TTC17: variants seen among roughly 807,000 people sequenced by gnomAD.
TTC17 encodes tetratricopeptide repeat domain 17.
In TTC17, 58 loss-of-function variants were observed where a neutral mutation model predicts 143.8. The ratio of observed to expected loss-of-function variants is 0.40; its 90% CI spans 0.33 to 0.50. TTC17 has a LOEUF of 0.50. Among genes scored for constraint, TTC17 ranks in the 20% least tolerant of loss-of-function variants. The pLI is 0.49. For missense variants in TTC17, 1,273 were observed against 1,392.5 expected, an observed-to-expected ratio of 0.91 and a Z score of 1.37; for synonymous variants, 501 against 497.8, an observed-to-expected ratio of 1.01 and a Z score of -0.09.
chr11:43,437,560 C>G (rs186618404), intron 16 of TTC17, among the ~76,000 whole-genome samples: 1 of 152,146 alleles, frequency 6.6e-6, no homozygotes, highest in African/African-American at 2.4e-5. Flanking sequence ...ACTTAATCTT[C>G]CTGAGCCTTT....
At chr11:43,436,202 A>G in intron 16 of TTC17, 1 of 1,457,212 alleles carries the variant, frequency 6.9e-7, no homozygotes. Context: ...CAGCCATGAC[A>G]AACAGAAATA....
intron 2 of TTC17, among the ~76,000 whole-genome samples, chr11:43,382,749 G>A (rs1361807821): frequency 6.6e-6 from 1 of 152,120 alleles, no homozygotes; most frequent in African/African-American, 2.4e-5. Flanking sequence ...TATTACTCTA[G>A]ATCCTGCTGT....
At chr11:43,460,399 T>A (rs11602173) in intron 21 of TTC17, among the ~76,000 whole-genome samples, 1 of 152,138 alleles carries the variant, frequency 6.6e-6, no homozygotes, top group Non-Finnish European at 1.5e-5. Context: ...GTAGATTACA[T>A]GGCTTCTGTC....
At position 43,451,412 on chromosome 11, in the gene TTC17, A is replaced by G. The variant is rs1393754584; in HGVS notation, c.3030+147A>G. On this transcript the variant is annotated intron_variant, in intron 21 of 23. Transcript: ENST00000039989. ...GATAATGTGAAATAACTCCCCTCAG[A>G]ATGTTTCAGTCGCTTTTTCTATCAC... 3 of 668,874 alleles carry G rather than the reference A, an allele frequency of 4.5e-6. No homozygotes were observed. In the Admixed American group the frequency reaches 7.8e-5, roughly 17 times the overall value. The allele number at this position is 668,874 out of a possible 1,614,324, so 41.4% of individuals were successfully genotyped here. A position where few individuals can be genotyped will look rare whatever the true frequency, so the allele number is the denominator to read the frequency against.
chr11:43,396,879 A>G, intron 6 of TTC17, 61 bp downstream of exon 6: 2 of 1,017,506 alleles, frequency 2.0e-6, no homozygotes, highest in Non-Finnish European at 2.9e-6. Context: ...TAAAGAAACA[A>G]TACATAAGAA....
chr11:43,442,035 T>C (rs1947434047), intron 16 of TTC17, among the ~76,000 whole-genome samples: 1 of 152,154 alleles, frequency 6.6e-6, no homozygotes, highest in Admixed American at 6.5e-5. Context: ...AGCTAGGTGG[T>C]ATAGCCTACT....
At chr11:43,458,850 A>C (rs1055489358) in intron 21 of TTC17, among the ~76,000 whole-genome samples, 1 of 152,132 alleles carries the variant, frequency 6.6e-6, no homozygotes, top group Non-Finnish European at 1.5e-5. Context: ...CTTCTATTAC[A>C]GTGTATTATT....
In TTC17 at chr11:43,467,041, A is replaced by C. The variant is rs925709108; in HGVS notation, c.3030+15776A>C. On this transcript the variant is annotated intron_variant, in intron 21 of 23. Transcript: ENST00000039989. Reference sequence around the variant, plus strand: ...GTCCCTCCACGTATAGCTGGATTGCAGAGTTAAGTTTATGATTATGAAATA... The same window carrying C: ...GTCCCTCCACGTATAGCTGGATTGCCGAGTTAAGTTTATGATTATGAAATA... Among the ~76,000 whole-genome samples, 5 of 152,230 alleles carry C rather than the reference A, an allele frequency of 3.3e-5. No homozygotes were observed. In the East Asian group the frequency reaches 9.6e-4, roughly 29 times the overall value.
chr11:43,443,362 G>T lies in TTC17; in HGVS notation c.2289G>T (p.Met763Ile), dbSNP rs1404548452. 6.2e-7 allele frequency: 1 copy of T among 1,614,090 alleles called. No individual in the cohort carries two copies. The highest frequency in any genetic ancestry group is 8.5e-7 in the Non-Finnish European group (1 of 1,179,996). Residue 763 changes from methionine to isoleucine, a missense_variant, in exon 17 of 24, where the codon ATG becomes ATT. Met to Ile is a conservative substitution (Grantham distance 10, BLOSUM62 1). This residue lies in a region of TTC17 where 878 missense variants were observed against 899.8 expected (regional missense o/e 0.98). Transcript: ENST00000039989. ...AGGAGAGCAATGGTTCTGATGAGAT[G>T]GAGAATTCAGATGAAACCAAAATGT... ...VVEESNGSDE[M>I]ENSDETKMSE...
chr11:43,461,586 A>G (rs1477730015), intron 21 of TTC17, among the ~76,000 whole-genome samples: 1 of 152,286 alleles, frequency 6.6e-6, no homozygotes, highest in East Asian at 1.9e-4. Context: ...GAAAAAGTAA[A>G]GGAAGTTTAT....
chr11:43,467,428 A>G (rs1947998051), intron 21 of TTC17, among the ~76,000 whole-genome samples: 1 of 152,372 alleles, frequency 6.6e-6, no homozygotes, highest in East Asian at 1.9e-4. Context: ...AAAAAGGCCA[A>G]TACTGAATGA....
chr11:43,388,592 A>T (rs572929806), intron 2 of TTC17, among the ~76,000 whole-genome samples: 1 of 151,514 alleles, frequency 6.6e-6, no homozygotes, highest in African/African-American at 2.4e-5. Flanking sequence ...TAGTCCCAAC[A>T]CTTTGGGAGG....
At chr11:43,404,558 T>C (rs1858024233) in intron 11 of TTC17, among the ~76,000 whole-genome samples, 2 of 152,192 alleles carry the variant, frequency 1.3e-5, no homozygotes, top group African/African-American at 4.8e-5. Context: ...GAGCCTACAT[T>C]CTGGTAGATG....
chr11:43,370,646 A>G (rs1590311038), intron 1 of TTC17, among the ~76,000 whole-genome samples: 1 of 152,176 alleles, frequency 6.6e-6, no homozygotes, highest in East Asian at 1.9e-4. Flanking sequence ...AAAAAAGAAC[A>G]CTTTATAAAT....
intron 9 of TTC17, among the ~76,000 whole-genome samples, chr11:43,400,817 G>T (rs1205136229): frequency 6.6e-6 from 1 of 152,170 alleles, no homozygotes; most frequent in African/African-American, 2.4e-5. Flanking sequence ...GTTATATCTA[G>T]AATGTTTTGT....
chr11:43,367,002 G>T (rs1371289870), intron 1 of TTC17, among the ~76,000 whole-genome samples: 1 of 152,136 alleles, frequency 6.6e-6, no homozygotes, highest in Non-Finnish European at 1.5e-5. Flanking sequence ...GCTGTTCTAT[G>T]TGCTTCCATA....
chr11:43,461,241 G>A lies in TTC17; in HGVS notation c.3030+9976G>A, dbSNP rs190157245. 9.8e-3 allele frequency among the ~76,000 whole-genome samples: 1,490 copies of A among 152,008 alleles called. 20 individuals are homozygous for A. The highest frequency in any genetic ancestry group is 0.033 in the African/African-American group (1,372 of 41,504). On this transcript the variant is annotated intron_variant, in intron 21 of 23. Transcript: ENST00000039989. ...CTACTAAAAATACAAAAAATTAGCC[G>A]GGCGCAGTGGCGGGCGCCTGTAGTC...
chr11:43,359,229 G>A, intron 1 of TTC17, 116 bp downstream of exon 1: 10 of 1,322,442 alleles, frequency 7.6e-6, no homozygotes, highest in Non-Finnish European at 9.9e-6. Context: ...ACCCTCACAG[G>A]GAGGTGGCAC....
At chr11:43,433,753 AAC>A (rs1346584117) in intron 16 of TTC17, among the ~76,000 whole-genome samples, 2 of 152,202 alleles carry the variant, frequency 1.3e-5, no homozygotes, top group African/African-American at 2.4e-5. Flanking sequence ...AACTTCAGAA[AAC>A]ACAGAGTTTC....
Sources: gnomAD v4.1 joint callset for allele counts (sites outside exome capture counted in the v4.1 genomes callset) on GRCh38, gnomAD v4.1.1 for gene constraint, gnomAD v4.1.1 regional missense constraint, MANE v1.5 for transcripts, NCBI Gene and HGNC (gene_info 2026-07-23, HGNC 2026-07-21) for gene names.